REEP3: variants seen among roughly 807,000 people sequenced by gnomAD.
REEP3 encodes the protein receptor accessory protein 3.
A neutral mutation model predicts 41.3 loss-of-function variants in REEP3; 20 were observed. The observed-to-expected ratio is 0.48, with a 90% confidence interval of 0.34 to 0.70. REEP3 has a LOEUF of 0.70. REEP3 is among the 30% of genes least tolerant of loss of function. The pLI is 0.01. For missense variants in REEP3, 271 were observed against 308.8 expected (o/e 0.88, Z 0.92); for synonymous variants, 104 against 101.8 (o/e 1.02, Z -0.13).
chr10:63,589,867 T>C (rs1162492735), intron 2 of REEP3, among the ~76,000 whole-genome samples: 2 of 135,548 alleles, frequency 1.5e-5, no homozygotes, highest in Non-Finnish European at 3.1e-5. Flanking sequence ...TGATCTCACC[T>C]CACTGCAGCT....
chr10:63,552,360 G>A (rs1955637503), intron 1 of REEP3, among the ~76,000 whole-genome samples: 1 of 152,184 alleles, frequency 6.6e-6, no homozygotes, highest in Middle Eastern at 3.4e-3. Context: ...GCAGTGAGCC[G>A]AGATTTTGCC....
intron 4 of REEP3, among the ~76,000 whole-genome samples, 189 bp from the exon 5 acceptor site, chr10:63,598,981 C>T (rs1460916151): frequency 6.6e-6 from 1 of 151,856 alleles, no homozygotes; most frequent in African/African-American, 2.4e-5. Flanking sequence ...TGTCCCATGC[C>T]ACTGCATTCC....
At chr10:63,613,039 T>G (rs1043257813) in intron 6 of REEP3, among the ~76,000 whole-genome samples, 1 of 151,708 alleles carries the variant, frequency 6.6e-6, no homozygotes, top group Non-Finnish European at 1.5e-5. Flanking sequence ...TGAGATGGAG[T>G]CTACCTCTGT....
chr10:63,564,378 T>C (rs992756367), intron 1 of REEP3, among the ~76,000 whole-genome samples: 2 of 152,152 alleles, frequency 1.3e-5, no homozygotes, highest in African/African-American at 4.8e-5. Flanking sequence ...ATCCCAGCAC[T>C]TTGGGAGGCT....
In REEP3 at chr10:63,521,590, C is replaced by A. The variant is rs1484902353; in HGVS notation, c.32+13C>A. The A allele has an allele frequency of 2.1e-6, 3 of 1,408,194 alleles. No individual in the cohort carries two copies. Among genetic ancestry groups the A allele is most frequent in the Non-Finnish European group, 2.8e-6 (3 of 1,067,644 alleles). The allele number at this position is 1,408,194 out of a possible 1,614,324, so 87.2% of individuals were successfully genotyped here. On this transcript the variant is annotated intron_variant, in intron 1 of 7. Coordinates refer to ENST00000373758, the MANE Select transcript of REEP3 (RefSeq NM_001001330.3). ...CCAGAGCCGTGGTGTAAGTGCCTCT[C>A]ACTGCGCCCTGCAGCCGGCGCGAGG...
intron 1 of REEP3, among the ~76,000 whole-genome samples, chr10:63,531,257 T>C (rs1209822601): frequency 6.6e-6 from 1 of 152,242 alleles, no homozygotes; most frequent in East Asian, 1.9e-4. Context: ...TTCAAAGTAC[T>C]TTTCATTTCA....
intron 1 of REEP3, among the ~76,000 whole-genome samples, chr10:63,530,002 C>G (rs1955405318): frequency 6.6e-6 from 1 of 152,150 alleles, no homozygotes; most frequent in Admixed American, 6.5e-5. Context: ...TGGTCTTCAA[C>G]TCCTGACCTC....
intron 2 of REEP3, among the ~76,000 whole-genome samples, chr10:63,568,645 C>A (rs938355881): frequency 2.8e-5 from 4 of 141,960 alleles, no homozygotes; most frequent in Admixed American, 1.4e-4. Flanking sequence ...GAAATACAAC[C>A]CAGAATTTTT....
chr10:63,528,159 C>T (rs958855048), intron 1 of REEP3, among the ~76,000 whole-genome samples: 1 of 152,148 alleles, frequency 6.6e-6, no homozygotes, highest in Non-Finnish European at 1.5e-5. Context: ...CTGCTGAACT[C>T]TGTGATCATA....
intron 2 of REEP3, among the ~76,000 whole-genome samples, chr10:63,568,744 C>T (rs553732928): frequency 1.3e-4 from 20 of 148,938 alleles, no homozygotes; most frequent in African/African-American, 4.7e-4. Context: ...TAGCCTGGAC[C>T]TCATGGGCTC....
At chr10:63,569,382 C>T (rs1955832788) in intron 2 of REEP3, among the ~76,000 whole-genome samples, 1 of 151,696 alleles carries the variant, frequency 6.6e-6, no homozygotes, top group African/African-American at 2.4e-5. Context: ...TCAAGAAGCC[C>T]GGGATATATA....
At chr10:63,602,146 A>G (rs891295083) in intron 5 of REEP3, among the ~76,000 whole-genome samples, 6 of 152,062 alleles carry the variant, frequency 3.9e-5, no homozygotes, top group Non-Finnish European at 8.8e-5. Context: ...AACTCTGGGG[A>G]AAAAAGTTAC....
At chr10:63,540,175 GAGAAAAGAATGTAAT>G (rs1235105422) in intron 1 of REEP3, among the ~76,000 whole-genome samples, 1 of 152,138 alleles carries the variant, frequency 6.6e-6, no homozygotes, top group Non-Finnish European at 1.5e-5. Flanking sequence ...GAAGTATTAG[GAGAAAAGAATGTAAT>G]AGAGGGACTG....
intron 1 of REEP3, among the ~76,000 whole-genome samples, chr10:63,541,974 G>C (rs1476528599): frequency 1.3e-5 from 2 of 151,884 alleles, no homozygotes; most frequent in Non-Finnish European, 2.9e-5. Flanking sequence ...ATTACTTCTA[G>C]TTTACAGAAT....
At chr10:63,536,326 T>C (rs2133345856) in intron 1 of REEP3, among the ~76,000 whole-genome samples, 1 of 152,356 alleles carries the variant, frequency 6.6e-6, no homozygotes, top group East Asian at 1.9e-4. Flanking sequence ...TCACATATCA[T>C]CACCCTATCA....
chr10:63,529,543 GC>G (rs1423813781), intron 1 of REEP3, among the ~76,000 whole-genome samples: 2 of 152,024 alleles, frequency 1.3e-5, no homozygotes, highest in Non-Finnish European at 2.9e-5. Flanking sequence ...GTTCACTGGA[GC>G]CTCAAACTCC....
At chr10:63,571,307 A>C (rs1321896229) in intron 2 of REEP3, among the ~76,000 whole-genome samples, 1 of 152,196 alleles carries the variant, frequency 6.6e-6, no homozygotes, top group Non-Finnish European at 1.5e-5. Flanking sequence ...AGAACAACGT[A>C]AATTTATTCT....
chr10:63,608,846 C>T (rs1404701578), intron 5 of REEP3, among the ~76,000 whole-genome samples: 1 of 152,186 alleles, frequency 6.6e-6, no homozygotes, highest in African/African-American at 2.4e-5. Context: ...CCACTAGCCA[C>T]ACACAGCTAT....
At chr10:63,565,647 A>G (rs12268305) in intron 1 of REEP3, among the ~76,000 whole-genome samples, 2,640 of 152,262 alleles carry the variant, frequency 0.017, 87 homozygotes, top group African/African-American at 0.06. Flanking sequence ...TGTCTTAGGT[A>G]TACTACACGT....
Sources: allele counts gnomAD v4.1 joint callset (sites outside exome capture counted in the v4.1 genomes callset), GRCh38; gene constraint gnomAD v4.1.1; transcripts MANE v1.5; gene names NCBI Gene and HGNC (gene_info 2026-07-23, HGNC 2026-07-21).